ASIC2: variants seen among roughly 807,000 people sequenced by gnomAD.
ASIC2 encodes the protein acid sensing ion channel subunit 2, also known as acid-sensing ion channel 2.
In ASIC2, 25 loss-of-function variants were observed where a neutral mutation model predicts 57.3. The ratio of observed to expected loss-of-function variants is 0.44; its 90% confidence interval spans 0.32 to 0.61. The LOEUF is 0.61. Ranked by LOEUF, ASIC2 falls within the 20% of genes least tolerant of loss-of-function variation. The pLI is 0.06. For synonymous variants in ASIC2, 319 were observed against 307.5 expected (o/e 1.04, Z -0.39); for missense variants, 641 against 738.1 (o/e 0.87, Z 1.52).
At position 33,466,277 on chromosome 17, in the gene ASIC2, T is replaced by C. The variant is rs527487558; in HGVS notation, c.556-354210A>G. ...AAATAAAATACCTAGGAATCCAACT[T>C]AACAAGGTATGTGAAGGACCTCTTC... On this transcript the variant is annotated intron_variant, in intron 1 of 9. Coordinates refer to the ASIC2 transcript ENST00000359872. Among the ~76,000 whole-genome samples, 108 of 152,168 alleles carry C rather than the reference T, an allele frequency of 7.1e-4. 1 individual carries two copies. The highest frequency in any genetic ancestry group is 1.4e-3 in the Admixed American group (21 of 15,290).
intron 1 of ASIC2, among the ~76,000 whole-genome samples, chr17:33,685,132 T>TGA (rs1244532967): frequency 6.6e-6 from 1 of 152,188 alleles, no homozygotes; most frequent in Non-Finnish European, 1.5e-5. Flanking sequence ...AGTCTTTCAC[T>TGA]GAGAGGAGAG....
intron 1 of ASIC2, among the ~76,000 whole-genome samples, chr17:33,686,236 G>A (rs8078646): frequency 0.47 from 70,759 of 151,864 alleles, 16,731 homozygotes; most frequent in East Asian, 0.54. Context: ...GTAGCAGAAA[G>A]ATGGCCAAAG....
intron 1 of ASIC2, among the ~76,000 whole-genome samples, chr17:33,843,209 G>A (rs1050554867): frequency 2.0e-5 from 3 of 152,154 alleles, no homozygotes; most frequent in Admixed American, 6.5e-5. Flanking sequence ...GACCTTATCA[G>A]GCTTATTTGC....
intron 1 of ASIC2, chr17:33,794,509 AT>A (rs1344351763): frequency 6.6e-6 from 1 of 152,168 alleles, no homozygotes; most frequent in East Asian, 1.9e-4. Flanking sequence ...TGCACATCTC[AT>A]TTCAAACACT....
chr17:33,329,841 C>G (rs1907236273), intron 1 of ASIC2, among the ~76,000 whole-genome samples: 1 of 152,092 alleles, frequency 6.6e-6, no homozygotes, highest in Non-Finnish European at 1.5e-5. Flanking sequence ...AAGAACTATA[C>G]CCAGGTAGGT....
At chr17:34,038,038 T>G in intron 1 of ASIC2, 1 of 1,613,446 alleles carries the variant, frequency 6.2e-7, no homozygotes. Context: ...CACCTTGTGA[T>G]GTTAGCTCCA....
At chr17:33,850,771 T>C (rs989724171) in intron 1 of ASIC2, among the ~76,000 whole-genome samples, 6 of 152,132 alleles carry the variant, frequency 3.9e-5, no homozygotes, top group Non-Finnish European at 8.8e-5. Flanking sequence ...AGATCTGCCC[T>C]GGCCAGATGA....
chr17:33,870,932 G>C (rs148086452), intron 1 of ASIC2, among the ~76,000 whole-genome samples: 2 of 152,330 alleles, frequency 1.3e-5, no homozygotes, highest in East Asian at 3.9e-4. Context: ...AGAGAGATAA[G>C]ACCTTTGCCT....
At chr17:34,098,922 G>A (rs1283301520) in intron 1 of ASIC2, among the ~76,000 whole-genome samples, 7 of 152,002 alleles carry the variant, frequency 4.6e-5, no homozygotes, top group Admixed American at 2.6e-4. Flanking sequence ...GTGATGCCCC[G>A]TGATACTGTG....
intron 1 of ASIC2, among the ~76,000 whole-genome samples, chr17:33,367,542 T>G (rs1908860350): frequency 6.6e-6 from 1 of 152,184 alleles, no homozygotes; most frequent in African/African-American, 2.4e-5. Flanking sequence ...GCCCAGAGTC[T>G]GCCTCCCCAT....
chr17:33,540,517 G>A lies in ASIC2; in HGVS notation c.556-428450C>T, dbSNP rs565395955. Among the ~76,000 whole-genome samples the A allele has an allele frequency of 3.3e-5, 5 of 152,214 alleles. No individual in the cohort carries two copies. In the East Asian group the frequency reaches 9.7e-4, roughly 29 times the overall value. Reference sequence around the variant, plus strand: ...GGAGGTCAGGCTAGCTGGTCTACCTGGACCCTCTTAGGGAGGGTTCATCAG... The same window carrying A: ...GGAGGTCAGGCTAGCTGGTCTACCTAGACCCTCTTAGGGAGGGTTCATCAG... On this transcript the variant is annotated intron_variant, in intron 1 of 9. Coordinates refer to the ASIC2 transcript ENST00000359872.
chr17:33,364,387 C>G (rs1908725633), intron 1 of ASIC2, among the ~76,000 whole-genome samples: 1 of 152,160 alleles, frequency 6.6e-6, no homozygotes, highest in African/African-American at 2.4e-5. Flanking sequence ...CAACTTCTGA[C>G]TCCACTAATT....
chr17:33,707,531 G>T lies in ASIC2; in HGVS notation c.555+448447C>A, dbSNP rs369821632. Among the ~76,000 whole-genome samples, 31 of 152,242 alleles carry T rather than the reference G, an allele frequency of 2.0e-4. No individual in the cohort carries two copies. In the East Asian group the frequency reaches 4.2e-3, roughly 21 times the overall value. ...GCTTTCATAATTTTAATCTCTAGGA[G>T]AAATTTTATTTGTTATTTTTGAAGC... is the stretch of plus-strand genomic sequence containing the variant. On this transcript the variant is annotated intron_variant, in intron 1 of 9. Transcript: ENST00000359872.
intron 1 of ASIC2, among the ~76,000 whole-genome samples, chr17:33,696,691 A>G (rs903501123): frequency 1.3e-5 from 2 of 152,212 alleles, no homozygotes; most frequent in Non-Finnish European, 2.9e-5. Context: ...AAATTTAACT[A>G]ACAGCCTACT....
chr17:34,029,532 T>C (rs538273015), intron 1 of ASIC2, among the ~76,000 whole-genome samples: 5 of 152,366 alleles, frequency 3.3e-5, no homozygotes, highest in African/African-American at 1.2e-4. Context: ...AATTCATATG[T>C]TGAAGCCCTA....
intron 1 of ASIC2, among the ~76,000 whole-genome samples, chr17:33,427,443 A>G (rs1911256288): frequency 1.3e-5 from 2 of 152,212 alleles, no homozygotes; most frequent in South Asian, 4.1e-4. Flanking sequence ...GGGAATAAAC[A>G]CTAATAAGTC....
At chr17:33,463,567 G>A (rs769491522) in intron 1 of ASIC2, among the ~76,000 whole-genome samples, 1 of 152,216 alleles carries the variant, frequency 6.6e-6, no homozygotes. Flanking sequence ...GGCAGGTAAG[G>A]TAGCATCTCC....
At chr17:33,735,650 G>A (rs1909889443) in intron 1 of ASIC2, among the ~76,000 whole-genome samples, 1 of 152,104 alleles carries the variant, frequency 6.6e-6, no homozygotes, top group African/African-American at 2.4e-5. Flanking sequence ...TCCTAATGGT[G>A]TCTGGTGAAG....
intron 1 of ASIC2, among the ~76,000 whole-genome samples, chr17:33,205,668 T>C (rs1907033403): frequency 6.6e-6 from 1 of 152,254 alleles, no homozygotes; most frequent in Non-Finnish European, 1.5e-5. Context: ...TTTGTACAAC[T>C]GGCCTCTTGC....
Sources: allele counts gnomAD v4.1 joint callset (sites outside exome capture counted in the v4.1 genomes callset), GRCh38; gene constraint gnomAD v4.1.1; transcripts MANE v1.5; gene names NCBI Gene and HGNC (gene_info 2026-07-23, HGNC 2026-07-21).